Variants in FRMD3 observed in about 807,000 individuals in gnomAD.
FRMD3 encodes the protein FERM domain-containing protein 3.
FRMD3 carries 33 observed loss-of-function variants against 70.2 expected under a neutral mutation model. The observed-to-expected ratio is 0.47, with a 90% CI of 0.36 to 0.63. The LOEUF is 0.63. Ranked by LOEUF, FRMD3 falls within the 20% of genes least tolerant of loss-of-function variation. The pLI, the probability that FRMD3 is intolerant of heterozygous loss-of-function variation, is 0.00. For synonymous variants in FRMD3, 279 were observed against 255.9 expected (o/e 1.09, Z -0.86); for missense variants, 632 against 711.4 (o/e 0.89, Z 1.27).
chr9:83,459,107 G>A (rs1400336602), intron 1 of FRMD3, among the ~76,000 whole-genome samples: 1 of 152,198 alleles, frequency 6.6e-6, no homozygotes, highest in Non-Finnish European at 1.5e-5. Context: ...AGTAACAACA[G>A]TAAAAGGCTG....
intron 3 of FRMD3, among the ~76,000 whole-genome samples, chr9:83,351,189 G>A (rs113094425): frequency 0.014 from 2,076 of 152,004 alleles, 42 homozygotes; most frequent in African/African-American, 0.046. Context: ...AGAGCCACAG[G>A]GTTCTTGAAT....
At chr9:83,331,583 C>A (rs1836273337) in intron 6 of FRMD3, among the ~76,000 whole-genome samples, 2 of 152,086 alleles carry the variant, frequency 1.3e-5, no homozygotes, top group South Asian at 4.2e-4. Context: ...TGTAAACTAT[C>A]AACTATGAGT....
chr9:83,303,172 G>A lies in FRMD3; in HGVS notation c.927-3986C>T, dbSNP rs190063748. Among the ~76,000 whole-genome samples, 593 of 152,302 alleles carry A rather than the reference G, an allele frequency of 3.9e-3. 2 individuals are homozygous for A. Among genetic ancestry groups the A allele is most frequent in the African/African-American group, 0.013 (553 of 41,552 alleles). On this transcript the variant is annotated intron_variant, in intron 10 of 13. Coordinates refer to ENST00000304195, the MANE Select transcript of FRMD3 (RefSeq NM_174938.6). ...GAAGTCATAATTTAGAGTTCCTGGAGTAACCATAACAATAACAGCATTTAC... is the reference window on the plus strand; with the variant it reads ...GAAGTCATAATTTAGAGTTCCTGGAATAACCATAACAATAACAGCATTTAC...
intron 1 of FRMD3, among the ~76,000 whole-genome samples, chr9:83,422,693 C>T (rs1587838292): frequency 6.6e-6 from 1 of 152,156 alleles, no homozygotes; most frequent in Non-Finnish European, 1.5e-5. Context: ...ATGAGAGTGA[C>T]TCCAGCCAGA....
At chr9:83,382,009 T>C (rs897901600) in intron 2 of FRMD3, among the ~76,000 whole-genome samples, 4 of 150,404 alleles carry the variant, frequency 2.7e-5, no homozygotes, top group Non-Finnish European at 4.4e-5. Context: ...AAATCTTTAA[T>C]AGACACTCAA....
At chr9:83,351,300 T>G (rs1824146942) in intron 3 of FRMD3, among the ~76,000 whole-genome samples, 1 of 136,768 alleles carries the variant, frequency 7.3e-6, no homozygotes, top group African/African-American at 2.7e-5. Flanking sequence ...TTGCTGATGA[T>G]CTCAGCAGAG....
At chr9:83,306,598 CT>C (rs936281517) in intron 10 of FRMD3, among the ~76,000 whole-genome samples, 10 of 151,316 alleles carry the variant, frequency 6.6e-5, no homozygotes, top group Admixed American at 6.6e-4. Context: ...TAGCTTTTTT[CT>C]TTTTTTTTCA....
chr9:83,434,360 C>T (rs1827069722), intron 1 of FRMD3, among the ~76,000 whole-genome samples: 1 of 152,158 alleles, frequency 6.6e-6, no homozygotes, highest in Admixed American at 6.5e-5. Context: ...CTGGCCCTGG[C>T]CCTTCCTGGT....
rs555585172 is a variant in FRMD3, at chr9:83,307,671, G to A, written c.926+1865C>T. ...GGGGAGGAGGAAATGGGAAATGACT[G>A]CTAACTGGCATAAGGTTTATTTTGG... On this transcript the variant is annotated intron_variant, in intron 10 of 13. Coordinates refer to ENST00000304195, the MANE Select transcript of FRMD3 (RefSeq NM_174938.6). Among the ~76,000 whole-genome samples, 109 of 152,210 alleles carry A rather than the reference G, an allele frequency of 7.2e-4. 1 individual carries two copies. Among genetic ancestry groups the A allele is most frequent in the African/African-American group, 2.5e-3 (104 of 41,528 alleles).
intron 1 of FRMD3, among the ~76,000 whole-genome samples, chr9:83,392,067 AC>A (rs1825679859): frequency 2.0e-5 from 3 of 151,834 alleles, no homozygotes; most frequent in African/African-American, 7.2e-5. Context: ...TTCTCCAGGG[AC>A]CACCACAAAG....
Position 83,407,871 on chromosome 9 carries a change from C to T in FRMD3, c.148-18163G>A, listed in dbSNP as rs1826162157. 4.3e-5 allele frequency among the ~76,000 whole-genome samples: 5 copies of T among 115,832 alleles called. No homozygotes were observed. In the South Asian group the frequency reaches 7.9e-4, roughly 18 times the overall value. The allele number at this position is 115,832 out of a possible 152,430, so 76.0% of individuals were successfully genotyped here. A position where few individuals can be genotyped will look rare whatever the true frequency, so the allele number is the denominator to read the frequency against. On this transcript the variant is annotated intron_variant, in intron 1 of 13. Coordinates refer to ENST00000304195, the MANE Select transcript of FRMD3 (RefSeq NM_174938.6). ...TCTCTCTCTCTCTCTCTCTCTCTCTCTCATCTTTCTCTCTCTCTCTCTCTC... is the reference window on the plus strand; with the variant it reads ...TCTCTCTCTCTCTCTCTCTCTCTCTTTCATCTTTCTCTCTCTCTCTCTCTC...
intron 5 of FRMD3, among the ~76,000 whole-genome samples, chr9:83,342,692 TTAGATAGATAGATAGATAGA>T (rs71498046): frequency 2.7e-5 from 4 of 146,892 alleles, no homozygotes; most frequent in Non-Finnish European, 4.5e-5. Flanking sequence ...GATGGATAGA[TTAGATAGATAGATAGATAGA>T]TAGATAGATA....
chr9:83,457,218 G>A (rs117543546), intron 1 of FRMD3, among the ~76,000 whole-genome samples: 30 of 152,154 alleles, frequency 2.0e-4, no homozygotes, highest in Non-Finnish European at 3.7e-4. Context: ...AACTCAGGAC[G>A]TGTTCTCACA....
chr9:83,380,910 G>A (rs1303167602), intron 2 of FRMD3, among the ~76,000 whole-genome samples: 5 of 152,102 alleles, frequency 3.3e-5, no homozygotes, highest in Non-Finnish European at 7.4e-5. Flanking sequence ...ATAGTAACCA[G>A]ATCCAAAATT....
chr9:83,345,660 G>A (rs1823932168), intron 4 of FRMD3, among the ~76,000 whole-genome samples: 2 of 152,142 alleles, frequency 1.3e-5, no homozygotes, highest in South Asian at 4.1e-4. Context: ...GGGAGGCTGA[G>A]GCAGGAGAAT....
chr9:83,578,635 TA>T, the FRMD3 span, among the ~76,000 whole-genome samples: 3 of 151,734 alleles, frequency 2.0e-5, no homozygotes, highest in African/African-American at 7.3e-5. Context: ...TCTTTCATGG[TA>T]AAAAAACAGA....
the FRMD3 span, among the ~76,000 whole-genome samples, chr9:83,552,313 T>G: frequency 6.6e-6 from 1 of 152,206 alleles, no homozygotes. Flanking sequence ...GATCTTTATT[T>G]TTATTGTACT....
chr9:83,277,141 T>C (rs1257773146), intron 13 of FRMD3, among the ~76,000 whole-genome samples: 1 of 152,246 alleles, frequency 6.6e-6, no homozygotes, highest in Non-Finnish European at 1.5e-5. Context: ...GAATATTGTA[T>C]GTCCATTGAA....
chr9:83,271,421 A>G (rs1833547577), intron 13 of FRMD3, among the ~76,000 whole-genome samples: 1 of 152,192 alleles, frequency 6.6e-6, no homozygotes, highest in African/African-American at 2.4e-5. Context: ...TATAAACAAT[A>G]ATTTTAATAA....
Sources: allele counts gnomAD v4.1 joint callset (sites outside exome capture counted in the v4.1 genomes callset), GRCh38; gene constraint gnomAD v4.1.1; transcripts MANE v1.5; gene names NCBI Gene and HGNC (gene_info 2026-07-23, HGNC 2026-07-21).